The following CABLES2 variants were observed in gnomAD, a reference collection of about 807,000 sequenced individuals.
The protein encoded by CABLES2 is CDK5 and ABL1 enzyme substrate 2.
A neutral mutation model predicts 44.8 loss-of-function variants in CABLES2; 35 were observed. That is an observed-to-expected ratio of 0.78 (90% CI 0.60 to 1.04). The LOEUF (loss-of-function observed/expected upper bound fraction) is 1.04. Among genes scored for constraint, CABLES2 ranks in the 50% least tolerant of loss-of-function variants. CABLES2 has a pLI of 0.00. For synonymous variants in CABLES2, 282 were observed against 281.1 expected (o/e 1.00, Z -0.03); for missense variants, 566 against 615.7 (o/e 0.92, Z 0.85).
chr20:62,395,098 T>C, intron 3 of CABLES2, 84 bp from the exon 4 acceptor site: 1 of 1,103,882 alleles, frequency 9.1e-7, no homozygotes, highest in Non-Finnish European at 1.4e-6. Context: ...GACATTTCCA[T>C]GGAAAATTCC....
Position 62,392,496 on chromosome 20 carries a change from C to T in CABLES2, c.985-1G>A. ...GCTTCACGTATTCTATCACTGTGGT[C>T]TGCAACAGAGAGTGGGCAGGGTTGG... On this transcript the variant is annotated splice_acceptor_variant, in intron 7 of 9. Coordinates refer to ENST00000279101, the MANE Select transcript of CABLES2 (RefSeq NM_031215.3). LOFTEE classifies it high-confidence loss of function. 1.2e-6 allele frequency: 2 copies of T among 1,612,298 alleles called. No homozygotes were observed. The highest frequency in any genetic ancestry group is 1.7e-6 in the Non-Finnish European group (2 of 1,178,342).
At chr20:62,397,281 A>G (rs1281613445) in intron 1 of CABLES2, among the ~76,000 whole-genome samples, 2 of 152,114 alleles carry the variant, frequency 1.3e-5, no homozygotes, top group African/African-American at 4.8e-5. Context: ...TGGTCACTAC[A>G]GGAAGGAGGC....
rs373784239 is a variant in CABLES2 at position 62,396,781 on chromosome 20, G to A, written c.363-189C>T. Among the ~76,000 whole-genome samples the A allele has an allele frequency of 2.0e-5, 3 of 152,280 alleles. No individual in the cohort carries two copies. Among genetic ancestry groups the A allele is most frequent in the East Asian group, 3.9e-4 (2 of 5,158 alleles). ...AGGAGGGGCACCTCCTGCCTTGAGA[G>A]GTTCCTGTTTTGGAGGCACTGAGCT... On this transcript the variant is annotated intron_variant, in intron 1 of 9. Coordinates refer to ENST00000279101, the MANE Select transcript of CABLES2 (RefSeq NM_031215.3). The surrounding 1 kb of genome is among the most constrained non-coding windows in gnomAD (Gnocchi z 5.7).
chr20:62,397,972 C>CGGTGGTGGTGGTGGTGGTGGTGGTGGTG, intron 1 of CABLES2, among the ~76,000 whole-genome samples: 1 of 51,708 alleles, frequency 1.9e-5, no homozygotes, highest in Middle Eastern at 0.017. Context: ...ATGGTGGTGA[C>CGGTGGTGGTGGTGGTGGTGGTGGTGGTG]AGTGGTGATG....
chr20:62,393,458 G>A lies in CABLES2; in HGVS notation c.862C>T (p.Pro288Ser), dbSNP rs779649559. The A allele has an allele frequency of 6.2e-7, 1 of 1,609,564 alleles. No individual in the cohort carries two copies. Among genetic ancestry groups the A allele is most frequent in the South Asian group, 1.1e-5 (1 of 90,320 alleles). The change falls in exon 6 of 10, where the codon CCA (proline) becomes TCA (serine). Residue 288 changes from proline (P) to serine (S), a missense_variant. By Grantham distance (74) the Pro-to-Ser change is moderately conservative. Transcript: ENST00000279101. ...GGGCTACCTAGTTCTGTGCTGGCTG[G>A]TGCCGACTTGGTGGGGGCAGGTTTA... ...RHKPAPTKSA[P>S]ASTELGSDVG...
intron 1 of CABLES2, among the ~76,000 whole-genome samples, chr20:62,406,279 G>A (rs771314867): frequency 6.6e-6 from 1 of 152,056 alleles, no homozygotes; most frequent in African/African-American, 2.4e-5. Flanking sequence ...TGCTGGGTCT[G>A]AGGAGGTGGG....
chr20:62,397,916 A>G (rs11908043), intron 1 of CABLES2, among the ~76,000 whole-genome samples: 24,584 of 71,778 alleles, frequency 0.34, 2,641 homozygotes, highest in Middle Eastern at 0.43. Context: ...TGGTGATGGC[A>G]GTGGTGATGG....
chr20:62,394,983 A>ATGC lies in CABLES2; in HGVS notation c.558_559insGCA (p.Leu186_Cys187insAla). The ATGC allele has an allele frequency of 6.2e-7, 1 of 1,612,968 alleles. No homozygotes were observed. Among genetic ancestry groups the ATGC allele is most frequent in the Admixed American group, 1.7e-5 (1 of 60,014 alleles). On this transcript the variant is annotated inframe_insertion, in exon 4 of 10. Coordinates refer to ENST00000279101, the MANE Select transcript of CABLES2 (RefSeq NM_031215.3). ...TAGGGCAGGACCGAGAAGGCCGCGC[A>ATGC]CAGGGACCGCTTGGCACAGATGAGC...
chr20:62,393,941 G>A (rs147745984), intron 5 of CABLES2, among the ~76,000 whole-genome samples: 229 of 152,348 alleles, frequency 1.5e-3, no homozygotes, highest in Non-Finnish European at 2.0e-3. Context: ...CTGTGGGGCA[G>A]TGGCGCAGAC....
chr20:62,391,000 G>T lies in CABLES2; in HGVS notation c.1408C>A (p.His470Asn). Residue 470 changes from histidine (H) to asparagine (N), a missense_variant, in exon 10 of 10, where the codon CAT becomes AAT. Physicochemically the swap from His to Asn is moderately conservative, Grantham distance 68 (BLOSUM62 1). This residue lies in a region of CABLES2 where 436 missense variants were observed against 536.3 expected (regional missense o/e 0.81). Transcript: ENST00000279101. ...LYLPENQVLP[H>N]YRRLTQQF is the part of the protein sequence containing the mutation. ...AACTGCTGGGTGAGGCGCCTGTAAT[G>T]AGGTAACACTTGGTTCTCGGGAAGA... 1 of 1,614,120 alleles carries T rather than the reference G, an allele frequency of 6.2e-7. No individual in the cohort carries two copies. Among genetic ancestry groups the T allele is most frequent in the Non-Finnish European group, 8.5e-7 (1 of 1,180,012 alleles).
At chr20:62,398,321 GTGGTGGTGACGA>G (rs1222758906) in intron 1 of CABLES2, among the ~76,000 whole-genome samples, 6 of 148,924 alleles carry the variant, frequency 4.0e-5, no homozygotes, top group Admixed American at 2.7e-4. Flanking sequence ...GGTGATGGCA[GTGGTGGTGACGA>G]TGGTGGTGAT....
chr20:62,406,767 G>T, intron 1 of CABLES2, 148 bp downstream of exon 1: 1 of 356,480 alleles, frequency 2.8e-6, no homozygotes, highest in Non-Finnish European at 4.4e-6. Context: ...CTCTGTCCAG[G>T]GCTGACAAGG....
At position 62,397,615 on chromosome 20, in the gene CABLES2, A is replaced by G. The variant is rs375483320; in HGVS notation, c.363-1023T>C. 7.9e-5 allele frequency among the ~76,000 whole-genome samples: 12 copies of G among 152,296 alleles called. No homozygotes were observed. In the East Asian group the frequency reaches 1.7e-3, roughly 22 times the overall value. On this transcript the variant is annotated intron_variant, in intron 1 of 9. Transcript: ENST00000279101. ...TAACTCTCAGGGTCACGCAACTCCA[A>G]GTGCAGAGCTGGGTCTTGAACCCAG...
rs983571124 is a variant in CABLES2 at position 62,388,996 on chromosome 20, A to G, written c.*1975T>C. The G allele has an allele frequency of 6.2e-6, 1 of 160,414 alleles. No homozygotes were observed. The highest frequency in any genetic ancestry group is 1.4e-5 in the Non-Finnish European group (1 of 72,770). 9.9% of individuals were successfully genotyped at this position (160,414 alleles called of 1,614,324 possible). On this transcript the variant is annotated 3_prime_UTR_variant, in exon 10 of 10. Transcript: ENST00000279101. ...ACAAAGACCGGGTTGGTTAATGACT[A>G]AATCTCACTACATGAATACGCAATC...
rs749203114 is a variant in CABLES2, at chr20:62,396,593, C to T, written c.363-1G>A. 6.2e-7 allele frequency: 1 copy of T among 1,610,660 alleles called. No homozygotes were observed. Among genetic ancestry groups the T allele is most frequent in the South Asian group, 1.1e-5 (1 of 90,628 alleles). On this transcript the variant is annotated splice_acceptor_variant, in intron 1 of 9. Transcript: ENST00000279101. LOFTEE classifies it high-confidence loss of function. This position sits in a 1 kb window ranked among gnomAD's most constrained non-coding sequence, Gnocchi z 5.7. ...GCAGCGCTGGGACGTGACTCGCTTC[C>T]TGCAAGATGACAATGGAGCCTCAAA...
chr20:62,397,931 G>GGCA (rs1988054518), intron 1 of CABLES2, among the ~76,000 whole-genome samples: 4 of 95,276 alleles, frequency 4.2e-5, no homozygotes, highest in Admixed American at 1.9e-4. Context: ...TGATGGTGGT[G>GGCA]GTGGTGATGG....
rs867277065 is a variant in CABLES2 at position 62,396,830 on chromosome 20, G to A, written c.363-238C>T. Among the ~76,000 whole-genome samples the A allele has an allele frequency of 5.9e-5, 9 of 152,254 alleles. No homozygotes were observed. The highest frequency in any genetic ancestry group is 3.4e-3 in the Middle Eastern group (1 of 294). On this transcript the variant is annotated intron_variant, in intron 1 of 9. Coordinates refer to ENST00000279101, the MANE Select transcript of CABLES2 (RefSeq NM_031215.3). This position sits in a 1 kb window ranked among gnomAD's most constrained non-coding sequence, Gnocchi z 5.7. Reference sequence around the variant, plus strand: ...CTCTTCTCTGGGGACCAGCAGCCCTGGGGGACAGGCTCCTCAGGCATAGGA... The same window carrying A: ...CTCTTCTCTGGGGACCAGCAGCCCTAGGGGACAGGCTCCTCAGGCATAGGA...
chr20:62,407,102 C>G lies in CABLES2; in HGVS notation c.175G>C (p.Gly59Arg), dbSNP rs1988310751. The change falls in exon 1 of 10, where the codon GGG becomes CGG. Residue 59 changes from glycine to arginine, a missense_variant. This residue lies in a region of CABLES2 where 130 missense variants were observed against 79.4 expected (regional missense o/e 1.64). Coordinates refer to ENST00000279101, the MANE Select transcript of CABLES2 (RefSeq NM_031215.3). The stretch of plus-strand genomic sequence containing the variant: ...CCCGGGCCCAGGCTCGGGGGCCGCC[C>G]GTCCAGGGAGATGTTGTTGAGGAAG... Reference protein sequence around the residue: ...LFFLNNISLDGRPPSLGPGGE... With the variant: ...LFFLNNISLDRRPPSLGPGGE... 1.9e-6 allele frequency: 2 copies of G among 1,043,550 alleles called. No homozygotes were observed. The highest frequency in any genetic ancestry group is 2.3e-6 in the Non-Finnish European group (2 of 866,646). 64.6% of individuals were successfully genotyped at this position (1,043,550 alleles called of 1,614,324 possible).
intron 1 of CABLES2, among the ~76,000 whole-genome samples, chr20:62,398,044 TGGTGGTGATGGC>T: frequency 7.3e-6 from 1 of 137,108 alleles, no homozygotes; most frequent in Admixed American, 7.3e-5. Flanking sequence ...GTGATGGTGA[TGGTGGTGATGGC>T]GATGGTGGTG....
Sources: allele counts gnomAD v4.1 joint callset (sites outside exome capture counted in the v4.1 genomes callset), GRCh38; gene constraint gnomAD v4.1.1; regional missense constraint gnomAD v4.1.1; non-coding constraint Gnocchi (gnomAD v3.1); transcripts MANE v1.5; gene names NCBI Gene and HGNC (gene_info 2026-07-23, HGNC 2026-07-21).